Variants in GSE1 observed in about 807,000 individuals in gnomAD.
GSE1 encodes the protein genetic suppressor element 1.
In GSE1, 32 loss-of-function variants were observed where a neutral mutation model predicts 112.6. That is an observed-to-expected ratio of 0.28 (90% CI 0.21 to 0.38). GSE1 has a LOEUF of 0.38. Among genes scored for constraint, GSE1 ranks in the 10% least tolerant of loss-of-function variants. The pLI is 1.00. For synonymous variants in GSE1, 1,115 were observed against 735.6 expected (o/e 1.52, Z -8.35); for missense variants, 2,348 against 1,699.2 (o/e 1.38, Z -6.71).
At chr16:85,336,669 T>G (rs570085584) in intron 1 of GSE1, among the ~76,000 whole-genome samples, 1 of 152,090 alleles carries the variant, frequency 6.6e-6, no homozygotes, top group East Asian at 1.9e-4. Flanking sequence ...TGGTGTGATC[T>G]TTGCTCACTG....
At chr16:85,230,831 CTAGAT>C (rs1462841908) in intron 1 of GSE1, among the ~76,000 whole-genome samples, 5 of 141,688 alleles carry the variant, frequency 3.5e-5, no homozygotes, top group Non-Finnish European at 3.1e-5. Flanking sequence ...GTGTGGAAGA[CTAGAT>C]GGATGGATGG....
intron 1 of GSE1, among the ~76,000 whole-genome samples, chr16:85,306,490 G>A (rs188800613): frequency 3.3e-5 from 5 of 152,362 alleles, no homozygotes; most frequent in African/African-American, 1.2e-4. Context: ...CCCTCAGACT[G>A]TGGGTAGGAG....
At chr16:85,189,226 T>C (rs778019775) in intron 1 of GSE1, among the ~76,000 whole-genome samples, 16 of 152,256 alleles carry the variant, frequency 1.1e-4, no homozygotes, top group East Asian at 3.8e-4. Context: ...TAGACACTTA[T>C]CTGTATGTAG....
At chr16:85,178,803 C>T (rs1046223501) in intron 1 of GSE1, among the ~76,000 whole-genome samples, 1 of 145,112 alleles carries the variant, frequency 6.9e-6, no homozygotes, top group Non-Finnish European at 1.5e-5. Flanking sequence ...GGGGGCCTGC[C>T]GTCTGCACAG....
At chr16:85,504,153 C>G (rs9928228) in intron 2 of GSE1, among the ~76,000 whole-genome samples, 86,226 of 152,064 alleles carry the variant, frequency 0.57, 24,806 homozygotes, top group South Asian at 0.68. Context: ...AGAGAGGTTG[C>G]GTGGAACAGG....
intron 2 of GSE1, among the ~76,000 whole-genome samples, chr16:85,374,730 G>A (rs2047381880): frequency 6.6e-6 from 1 of 152,146 alleles, no homozygotes; most frequent in Non-Finnish European, 1.5e-5. Flanking sequence ...TCGAGCTGCT[G>A]GTTTGGTGAG....
chr16:85,307,885 A>G (rs1328194827), intron 1 of GSE1, among the ~76,000 whole-genome samples: 1 of 152,190 alleles, frequency 6.6e-6, no homozygotes, highest in Non-Finnish European at 1.5e-5. Context: ...GCCGGGGGAA[A>G]GGTCAGACTT....
chr16:85,637,520 C>T (rs1056882680), intron 2 of GSE1, among the ~76,000 whole-genome samples: 1 of 152,042 alleles, frequency 6.6e-6, no homozygotes, highest in Non-Finnish European at 1.5e-5. Context: ...GCGGCAGTGG[C>T]TATGTATTGA....
At chr16:85,432,584 G>T (rs567589386) in intron 2 of GSE1, among the ~76,000 whole-genome samples, 1 of 152,340 alleles carries the variant, frequency 6.6e-6, no homozygotes, top group East Asian at 1.9e-4. Flanking sequence ...GTCGTGGCAG[G>T]TGTCATTTGT....
intron 2 of GSE1, among the ~76,000 whole-genome samples, chr16:85,359,689 A>G (rs1469893011): frequency 6.6e-6 from 1 of 152,204 alleles, no homozygotes; most frequent in African/African-American, 2.4e-5. Context: ...TGCAGGCCAG[A>G]GAGGCTGAGC....
chr16:85,600,567 A>G (rs1022693071), intron 1 of GSE1, among the ~76,000 whole-genome samples: 2 of 150,838 alleles, frequency 1.3e-5, no homozygotes, highest in Non-Finnish European at 3.0e-5. Flanking sequence ...TAAAAAACAC[A>G]CACACACACA....
At chr16:85,243,758 A>G (rs1035146413) in intron 1 of GSE1, among the ~76,000 whole-genome samples, 3 of 152,216 alleles carry the variant, frequency 2.0e-5, no homozygotes, top group African/African-American at 7.2e-5. Flanking sequence ...ATGCACAGGA[A>G]GGATCCACCA....
At chr16:85,371,271 C>A (rs985560645) in intron 2 of GSE1, among the ~76,000 whole-genome samples, 2 of 152,182 alleles carry the variant, frequency 1.3e-5, no homozygotes, top group African/African-American at 4.8e-5. Context: ...GGAAAGTGCT[C>A]CTGCCGGGTG....
At chr16:85,626,620 CA>C (rs2049089314) in intron 1 of GSE1, among the ~76,000 whole-genome samples, 1 of 152,130 alleles carries the variant, frequency 6.6e-6, no homozygotes, top group Non-Finnish European at 1.5e-5. Context: ...GGGGGGCTGT[CA>C]GGGGGAAGGG....
chr16:85,259,470 A>G (rs977658325), intron 1 of GSE1, among the ~76,000 whole-genome samples: 1 of 152,260 alleles, frequency 6.6e-6, no homozygotes, highest in South Asian at 2.1e-4. Flanking sequence ...GACCGAAGTC[A>G]CAGCTGTCCT....
chr16:85,596,010 TC>T (rs1448126907), intron 1 of GSE1, among the ~76,000 whole-genome samples: 3 of 137,818 alleles, frequency 2.2e-5, no homozygotes, highest in Non-Finnish European at 4.7e-5. Context: ...CCACCCATTC[TC>T]CCATCTGCCC....
chr16:85,528,638 T>TTTTGTTTTGTTTTG (rs2052441703), intron 2 of GSE1, among the ~76,000 whole-genome samples: 2 of 145,082 alleles, frequency 1.4e-5, no homozygotes, highest in Non-Finnish European at 3.0e-5. Context: ...GGATTGCTGT[T>TTTTGTTTTGTTTTG]TTTTGTTTTG....
chr16:85,605,611 T>C (rs2047670698), intron 1 of GSE1, among the ~76,000 whole-genome samples: 1 of 151,698 alleles, frequency 6.6e-6, no homozygotes, highest in South Asian at 2.1e-4. Context: ...TGGGTGGAGA[T>C]TTGCCCAGTC....
intron 1 of GSE1, among the ~76,000 whole-genome samples, chr16:85,581,584 C>T (rs74031856): frequency 0.06 from 9,058 of 152,206 alleles, 876 homozygotes; most frequent in African/African-American, 0.2. Context: ...CCGCTCTCCT[C>T]TTCCGTAGAA....
Sources: allele counts gnomAD v4.1 joint callset (sites outside exome capture counted in the v4.1 genomes callset), GRCh38; gene constraint gnomAD v4.1.1; transcripts MANE v1.5; gene names NCBI Gene and HGNC (gene_info 2026-07-23, HGNC 2026-07-21).